ICA1: variants seen among roughly 807,000 people sequenced by gnomAD.
ICA1 encodes 69 kDa islet cell autoantigen.
In ICA1, 40 loss-of-function variants were observed where a neutral mutation model predicts 71.0. The ratio of observed to expected loss-of-function variants is 0.56; its 90% CI spans 0.44 to 0.73. The LOEUF is 0.73. ICA1 is among the 30% of genes least tolerant of loss of function. ICA1 has a pLI of 0.00. For missense variants in ICA1, 578 were observed against 576.5 expected (o/e 1.00, Z -0.03); for synonymous variants, 207 against 209.5 (o/e 0.99, Z 0.10).
chr7:8,137,115 C>G (rs554186066), intron 12 of ICA1, among the ~76,000 whole-genome samples: 12 of 146,884 alleles, frequency 8.2e-5, no homozygotes, highest in African/African-American at 2.5e-4. Flanking sequence ...TCTGGGTAAA[C>G]AAACACTAAG....
At chr7:8,232,789 C>G (rs1341386152) in intron 2 of ICA1, 34 bp from the exon 3 acceptor site, 1 of 1,496,924 alleles carries the variant, frequency 6.7e-7, no homozygotes, top group South Asian at 1.4e-5. Flanking sequence ...TTATTCACAC[C>G]TTTCATAAAG....
chr7:8,260,287 C>T (rs1038032817), intron 1 of ICA1, among the ~76,000 whole-genome samples: 2 of 152,078 alleles, frequency 1.3e-5, no homozygotes, highest in South Asian at 2.1e-4. Flanking sequence ...CTCTGAGTAA[C>T]AAAATTTTCT....
intron 6 of ICA1, among the ~76,000 whole-genome samples, chr7:8,186,500 G>T (rs1783957462): frequency 6.6e-6 from 1 of 152,170 alleles, no homozygotes; most frequent in South Asian, 2.1e-4. Flanking sequence ...GGCCACAGTA[G>T]AGTGGTTTTT....
In ICA1 at chr7:8,143,863, C is replaced by T. The variant is rs1033683992; in HGVS notation, c.902+12G>A. On this transcript the variant is annotated intron_variant, in intron 9 of 13. Coordinates refer to ENST00000402384, the MANE Select transcript of ICA1 (RefSeq NM_001136020.3). ...GGAAGAAAGATGCAGAGGGAAGGAA[C>T]CTGTGACTTACTGGCTCGGCTCCTG... 2.6e-6 allele frequency: 4 copies of T among 1,559,538 alleles called. No individual in the cohort carries two copies. Among genetic ancestry groups the T allele is most frequent in the Non-Finnish European group, 3.5e-6 (4 of 1,130,936 alleles).
At chr7:8,147,687 AACAC>A (rs71014764) in intron 8 of ICA1, among the ~76,000 whole-genome samples, 2,958 of 145,354 alleles carry the variant, frequency 0.02, 45 homozygotes, top group African/African-American at 0.037. Flanking sequence ...AGCCAAGGGG[AACAC>A]ACACACACAC....
chr7:8,210,695 G>T (rs376463897), intron 6 of ICA1, among the ~76,000 whole-genome samples: 42 of 151,902 alleles, frequency 2.8e-4, no homozygotes, highest in African/African-American at 1.0e-3. Flanking sequence ...AACCATTATA[G>T]CCAAAGGAAA....
intron 13 of ICA1, among the ~76,000 whole-genome samples, chr7:8,124,842 G>T (rs1788533583): frequency 6.6e-6 from 1 of 151,584 alleles, no homozygotes; most frequent in South Asian, 2.1e-4. Context: ...AGACTGGAGT[G>T]TAGTGGCGTG....
intron 6 of ICA1, among the ~76,000 whole-genome samples, chr7:8,201,411 C>T (rs1789634480): frequency 1.3e-5 from 2 of 152,254 alleles, no homozygotes; most frequent in South Asian, 2.1e-4. Context: ...AAATCCTGCC[C>T]ACCCGTTTCT....
intron 6 of ICA1, among the ~76,000 whole-genome samples, chr7:8,177,225 T>C (rs1780896338): frequency 6.6e-6 from 1 of 152,240 alleles, no homozygotes; most frequent in Admixed American, 6.5e-5. Flanking sequence ...CAGTCAAAAT[T>C]ATTCACAATC....
chr7:8,255,454 G>A (rs1809757003), intron 1 of ICA1, among the ~76,000 whole-genome samples: 1 of 152,062 alleles, frequency 6.6e-6, no homozygotes, highest in East Asian at 1.9e-4. Flanking sequence ...TCAAATATCA[G>A]TATCTGTAAG....
At chr7:8,133,113 T>A (rs929526133) in intron 12 of ICA1, among the ~76,000 whole-genome samples, 1 of 151,528 alleles carries the variant, frequency 6.6e-6, no homozygotes, top group Non-Finnish European at 1.5e-5. Flanking sequence ...ATCATGGGAG[T>A]GGGATTGGTA....
rs770631884 is a variant in ICA1 at position 8,232,578 on chromosome 7, T to C, written c.183+12A>G. ...GTGGCTGTGTTGGGGCTGACAGCAA[T>C]AAAGAGCTCACCTCTAGCTTGGCAT... is the stretch of plus-strand genomic sequence containing the variant. On this transcript the variant is annotated intron_variant, in intron 3 of 13. Coordinates refer to ENST00000402384, the MANE Select transcript of ICA1 (RefSeq NM_001136020.3). 1.9e-6 allele frequency: 3 copies of C among 1,602,316 alleles called. No individual in the cohort carries two copies. Among genetic ancestry groups the C allele is most frequent in the African/African-American group, 2.7e-5 (2 of 74,654 alleles).
At chr7:8,133,024 T>G (rs1391541432) in intron 12 of ICA1, among the ~76,000 whole-genome samples, 1 of 152,186 alleles carries the variant, frequency 6.6e-6, no homozygotes, top group Non-Finnish European at 1.5e-5. Flanking sequence ...AGGTGCGGCC[T>G]TTAAGAGGTG....
chr7:8,191,993 A>G (rs1785811963), intron 6 of ICA1, among the ~76,000 whole-genome samples: 1 of 152,186 alleles, frequency 6.6e-6, no homozygotes, highest in African/African-American at 2.4e-5. Flanking sequence ...TTTTCTAAAT[A>G]CAAACACACA....
chr7:8,153,532 C>T lies in ICA1; in HGVS notation c.804+3584G>A, dbSNP rs565031831. ...CCCCTTGATAATGTCTGCTCGGCAT[C>T]TGTGGAGAAATGTGAAAGTAAATGA... On this transcript the variant is annotated intron_variant, in intron 8 of 13. Coordinates refer to ENST00000402384, the MANE Select transcript of ICA1 (RefSeq NM_001136020.3). Among the ~76,000 whole-genome samples, 5 of 152,142 alleles carry T rather than the reference C, an allele frequency of 3.3e-5. No homozygotes were observed. The South Asian group carries it at 1.0e-3, about 32-fold the overall frequency.
At chr7:8,255,779 C>CTT (rs573673718) in intron 1 of ICA1, among the ~76,000 whole-genome samples, 46,076 of 132,642 alleles carry the variant, frequency 0.35, 9,090 homozygotes, top group East Asian at 0.52. Context: ...ACTTCTTTCT[C>CTT]TTTTTTTTTT....
At chr7:8,187,609 CT>C (rs1270985965) in intron 6 of ICA1, among the ~76,000 whole-genome samples, 1 of 152,162 alleles carries the variant, frequency 6.6e-6, no homozygotes, top group East Asian at 1.9e-4. Flanking sequence ...CTTACTGTAA[CT>C]TTTTTACTTT....
At chr7:8,253,922 C>T (rs1809104237) in intron 1 of ICA1, among the ~76,000 whole-genome samples, 1 of 152,124 alleles carries the variant, frequency 6.6e-6, no homozygotes, top group African/African-American at 2.4e-5. Flanking sequence ...TATGAAATTG[C>T]ACGTAAGCAT....
intron 3 of ICA1, among the ~76,000 whole-genome samples, chr7:8,230,478 C>A (rs1318656947): frequency 6.6e-6 from 1 of 152,174 alleles, no homozygotes; most frequent in Non-Finnish European, 1.5e-5. Flanking sequence ...TCAGTATTAA[C>A]ATTTCTGCAA....
Sources: allele counts gnomAD v4.1 joint callset (sites outside exome capture counted in the v4.1 genomes callset), GRCh38; gene constraint gnomAD v4.1.1; transcripts MANE v1.5; gene names NCBI Gene and HGNC (gene_info 2026-07-23, HGNC 2026-07-21).